Variants in FMN2 observed in about 807,000 individuals in gnomAD.
The protein encoded by FMN2 is formin 2.
In FMN2, 51 loss-of-function variants were observed where a neutral mutation model predicts 142.3. The ratio of observed to expected loss-of-function variants is 0.36; its 90% CI spans 0.29 to 0.45. The LOEUF (loss-of-function observed/expected upper bound fraction) is 0.45, where lower values mean the gene tolerates loss of function less well. FMN2 is among the 20% of genes least tolerant of loss of function. The pLI is 1.00. For missense variants in FMN2, 1,936 were observed against 2,122.8 expected, an observed-to-expected ratio of 0.91 and a Z score of 1.73; for synonymous variants, 882 against 869.8, an observed-to-expected ratio of 1.01 and a Z score of -0.25.
chr1:240,372,159 C>G (rs951379105), intron 14 of FMN2, among the ~76,000 whole-genome samples: 1 of 152,080 alleles, frequency 6.6e-6, no homozygotes, highest in African/African-American at 2.4e-5. Flanking sequence ...TTGCTTGAAC[C>G]TGGGAGGCAG....
intron 11 of FMN2, among the ~76,000 whole-genome samples, chr1:240,332,630 C>G (rs1671418512): frequency 6.6e-6 from 1 of 152,018 alleles, no homozygotes; most frequent in Non-Finnish European, 1.5e-5. Context: ...TTTAAATAAT[C>G]AAGAGGTAAT....
At chr1:240,230,566 T>G (rs978640307) in intron 6 of FMN2, among the ~76,000 whole-genome samples, 1 of 132,172 alleles carries the variant, frequency 7.6e-6, no homozygotes, top group Non-Finnish European at 1.6e-5. Flanking sequence ...TGTGTTAATC[T>G]TTATGTATAG....
At chr1:240,150,486 A>G (rs1266900381) in intron 2 of FMN2, among the ~76,000 whole-genome samples, 3 of 152,250 alleles carry the variant, frequency 2.0e-5, no homozygotes, top group African/African-American at 7.2e-5. Context: ...TCTTGCTCAC[A>G]GCCTTGTTAG....
intron 15 of FMN2, 119 bp from the exon 16 acceptor site, chr1:240,437,934 AAGAGCTTG>A: frequency 8.4e-7 from 1 of 1,194,122 alleles, no homozygotes; most frequent in African/African-American, 1.5e-5. Context: ...TTGGTGCTTG[AAGAGCTTG>A]AGTCCTCTTG....
At chr1:240,129,176 G>A (rs767554209) in intron 2 of FMN2, among the ~76,000 whole-genome samples, 81 of 151,996 alleles carry the variant, frequency 5.3e-4, no homozygotes, top group Non-Finnish European at 9.7e-4. Flanking sequence ...GCCCAGCCTT[G>A]AATTCATTTT....
chr1:240,181,035 C>G (rs998131218), intron 3 of FMN2, among the ~76,000 whole-genome samples: 2 of 151,476 alleles, frequency 1.3e-5, no homozygotes, highest in South Asian at 4.2e-4. Context: ...TTTGGAGTCT[C>G]ACTCTGTCGC....
Position 240,392,431 on chromosome 1 carries a change from T to A in FMN2, c.4859-80T>A, listed in dbSNP as rs532224348. The A allele has an allele frequency of 8.6e-5, 95 of 1,099,440 alleles. No homozygotes were observed. The East Asian group carries it at 2.3e-3, about 26-fold the overall frequency. 68.1% of individuals were successfully genotyped at this position (1,099,440 alleles called of 1,614,324 possible). On this transcript the variant is annotated intron_variant, in intron 14 of 17. Coordinates refer to ENST00000319653, the MANE Select transcript of FMN2 (RefSeq NM_020066.5). ...GAATTAATAATTAAAATAAGTTACGTTATGTAGGGCAGATGTTGCTTGAAA... is the reference window on the plus strand; with the variant it reads ...GAATTAATAATTAAAATAAGTTACGATATGTAGGGCAGATGTTGCTTGAAA...
chr1:240,302,452 T>C (rs767209036), intron 8 of FMN2, among the ~76,000 whole-genome samples: 1 of 151,946 alleles, frequency 6.6e-6, no homozygotes, highest in Admixed American at 6.6e-5. Context: ...AAAAGTAAAC[T>C]GGTATGTCCA....
chr1:240,242,151 CCTTT>C (rs1667935861), intron 6 of FMN2, among the ~76,000 whole-genome samples: 1 of 152,126 alleles, frequency 6.6e-6, no homozygotes, highest in Admixed American at 6.5e-5. Context: ...GGCTAGTGTG[CCTTT>C]CTTAAAATCA....
intron 7 of FMN2, among the ~76,000 whole-genome samples, chr1:240,289,883 T>C (rs1318296817): frequency 6.6e-6 from 1 of 152,224 alleles, no homozygotes; most frequent in African/African-American, 2.4e-5. Context: ...CAGGATTCAT[T>C]TTATCATGTA....
chr1:240,204,296 T>G (rs886327578), intron 4 of FMN2, among the ~76,000 whole-genome samples: 2 of 152,146 alleles, frequency 1.3e-5, no homozygotes, highest in Non-Finnish European at 2.9e-5. Context: ...TAACAGAGGT[T>G]AGGATTAAGA....
intron 15 of FMN2, 36 bp from the exon 16 acceptor site, chr1:240,438,025 T>C (rs1409640579): frequency 6.3e-7 from 1 of 1,592,544 alleles, no homozygotes; most frequent in Admixed American, 1.8e-5. Context: ...AAAGTAATCA[T>C]GGCTTTTATG....
At chr1:240,113,481 C>T (rs376368990) in intron 1 of FMN2, among the ~76,000 whole-genome samples, 7 of 134,584 alleles carry the variant, frequency 5.2e-5, no homozygotes, top group Non-Finnish European at 7.6e-5. Flanking sequence ...TCGCTTGAAC[C>T]GGGGAGGCAG....
intron 3 of FMN2, among the ~76,000 whole-genome samples, chr1:240,187,648 G>T (rs1224755218): frequency 6.6e-6 from 1 of 152,166 alleles, no homozygotes; most frequent in Non-Finnish European, 1.5e-5. Flanking sequence ...TTATGCCTTA[G>T]GTCTTTTTAG....
At chr1:240,371,949 G>A (rs970557687) in intron 14 of FMN2, among the ~76,000 whole-genome samples, 4 of 152,128 alleles carry the variant, frequency 2.6e-5, no homozygotes, top group Non-Finnish European at 1.5e-5. Flanking sequence ...CTTATGAGAA[G>A]GGTCAGCTGG....
At chr1:240,367,579 T>C (rs539037041) in intron 14 of FMN2, among the ~76,000 whole-genome samples, 55 of 151,940 alleles carry the variant, frequency 3.6e-4, no homozygotes, top group East Asian at 1.9e-3. Flanking sequence ...CCATCCTGGC[T>C]AACACGGTGA....
intron 6 of FMN2, among the ~76,000 whole-genome samples, chr1:240,221,641 G>T (rs543432885): frequency 6.6e-6 from 1 of 152,020 alleles, no homozygotes; most frequent in African/African-American, 2.4e-5. Context: ...TAGCCCTTTT[G>T]TCAGATGGAT....
intron 15 of FMN2, among the ~76,000 whole-genome samples, chr1:240,419,733 A>G (rs1558481587): frequency 6.6e-6 from 1 of 152,094 alleles, no homozygotes; most frequent in Non-Finnish European, 1.5e-5. Flanking sequence ...TATCCTTGCT[A>G]CCATGTTTCA....
intron 11 of FMN2, among the ~76,000 whole-genome samples, chr1:240,333,015 T>A (rs115962775): frequency 2.7e-4 from 41 of 152,326 alleles, no homozygotes; most frequent in African/African-American, 9.1e-4. Context: ...AAAGAGGTTT[T>A]GCTCTTTTTA....
Sources: gnomAD v4.1 joint callset for allele counts (sites outside exome capture counted in the v4.1 genomes callset) on GRCh38, gnomAD v4.1.1 for gene constraint, MANE v1.5 for transcripts, NCBI Gene and HGNC (gene_info 2026-07-23, HGNC 2026-07-21) for gene names.